The following DMRT1 variants were observed in gnomAD, a reference collection of about 807,000 sequenced individuals.
DMRT1 encodes the protein doublesex and mab-3 related transcription factor 1, also known as doublesex- and mab-3-related transcription factor 1.
Under a neutral mutation model 32.3 loss-of-function variants are expected in DMRT1, and 7 were observed. The ratio of observed to expected loss-of-function variants is 0.22; its 90% CI spans 0.12 to 0.41. The LOEUF (loss-of-function observed/expected upper bound fraction) is 0.41. Among genes scored for constraint, DMRT1 ranks in the 10% least tolerant of loss-of-function variants. The probability of loss-of-function intolerance (pLI) is 1.00; values close to 1 mark genes in which losing one functional copy is unlikely to be tolerated. For synonymous variants in DMRT1, 278 were observed against 206.1 expected (o/e 1.35, Z -2.99); for missense variants, 625 against 500.5 (o/e 1.25, Z -2.37).
intron 4 of DMRT1, among the ~76,000 whole-genome samples, chr9:959,595 C>T: frequency 6.6e-6 from 1 of 152,308 alleles, no homozygotes; most frequent in South Asian, 2.1e-4. Flanking sequence ...GTGGCACTAT[C>T]TTGGCTCACT....
At position 902,100 on chromosome 9, in the gene DMRT1, G is replaced by C. The variant is rs188006078; in HGVS notation, c.822+7905G>C. Among the ~76,000 whole-genome samples, 276 of 151,326 alleles carry C rather than the reference G, an allele frequency of 1.8e-3. 2 individuals are homozygous for C. Among genetic ancestry groups the C allele is most frequent in the African/African-American group, 6.0e-3 (247 of 41,250 alleles). On this transcript the variant is annotated intron_variant, in intron 3 of 4. Transcript: ENST00000382276. ...AATTTTTGTATTTTTAGTCGAGATG[G>C]GGTTTTGCCATGTTGGCCAGGCTGG... is the stretch of plus-strand genomic sequence containing the variant.
At chr9:872,070 C>G in intron 2 of DMRT1, among the ~76,000 whole-genome samples, 1 of 150,382 alleles carries the variant, frequency 6.6e-6, no homozygotes, top group African/African-American at 2.5e-5. Flanking sequence ...AACTCACCAT[C>G]TTTTTTTTTG....
rs1267683067 is a variant in DMRT1 at position 916,634 on chromosome 9, G to C, written c.823-129G>C. ...CGATCCTCCCGCCCTGGCCTCCCAA[G>C]GTGTCGGGAACATAGGCATGAGCCA... On this transcript the variant is annotated intron_variant, in intron 3 of 4. Coordinates refer to ENST00000382276, the MANE Select transcript of DMRT1 (RefSeq NM_021951.3). The C allele has an allele frequency of 2.6e-6, 3 of 1,132,596 alleles. No individual in the cohort carries two copies. The Admixed American group carries it at 5.4e-5, about 20-fold the overall frequency. The allele number at this position is 1,132,596 out of a possible 1,614,324, so 70.2% of individuals were successfully genotyped here. A position where few individuals can be genotyped will look rare whatever the true frequency, so the allele number is the denominator to read the frequency against.
rs375063589 is a variant in DMRT1 at position 941,577 on chromosome 9, A to G, written c.967+24670A>G. On this transcript the variant is annotated intron_variant, in intron 4 of 4. Coordinates refer to ENST00000382276, the MANE Select transcript of DMRT1 (RefSeq NM_021951.3). ...TTATCGTTTTTTTGGGTATAGAGTT[A>G]CAGTTTGAGAACATAAAAAGTTCTG... Among the ~76,000 whole-genome samples the G allele has an allele frequency of 1.5e-3, 234 of 152,254 alleles. 2 individuals are homozygous for G. The highest frequency in any genetic ancestry group is 5.6e-3 in the African/African-American group (232 of 41,564).
intron 2 of DMRT1, among the ~76,000 whole-genome samples, chr9:873,589 G>A (rs1816369411): frequency 6.6e-6 from 1 of 152,104 alleles, no homozygotes; most frequent in African/African-American, 2.4e-5. Context: ...AAAATGTTGG[G>A]ATTACAGGCG....
chr9:964,328 G>A (rs1435538327), intron 4 of DMRT1, among the ~76,000 whole-genome samples: 2 of 151,840 alleles, frequency 1.3e-5, no homozygotes, highest in African/African-American at 2.4e-5. Flanking sequence ...CCTGTGTAAG[G>A]TTTTCTGTTT....
At chr9:915,710 A>G (rs1818153497) in intron 3 of DMRT1, among the ~76,000 whole-genome samples, 1 of 151,922 alleles carries the variant, frequency 6.6e-6, no homozygotes, top group African/African-American at 2.4e-5. Context: ...GTTGTTTTAC[A>G]GTATTTATTT....
intron 2 of DMRT1, among the ~76,000 whole-genome samples, chr9:854,434 C>T (rs1454504808): frequency 1.3e-5 from 2 of 152,072 alleles, no homozygotes; most frequent in Non-Finnish European, 2.9e-5. Context: ...CAGGCGCATG[C>T]AACCATGCCT....
chr9:916,420 G>A (rs1464092921), intron 3 of DMRT1, among the ~76,000 whole-genome samples: 2 of 151,968 alleles, frequency 1.3e-5, no homozygotes, highest in African/African-American at 4.8e-5. Context: ...AGGCTGGAGT[G>A]CAGTAGTGCA....
At chr9:853,782 G>A (rs1203054751) in intron 2 of DMRT1, among the ~76,000 whole-genome samples, 1 of 150,698 alleles carries the variant, frequency 6.6e-6, no homozygotes, top group Non-Finnish European at 1.5e-5. Flanking sequence ...TGGGATTACA[G>A]GCATGAGCCA....
chr9:912,466 A>G (rs1818024048), intron 3 of DMRT1, among the ~76,000 whole-genome samples: 1 of 152,228 alleles, frequency 6.6e-6, no homozygotes, highest in Non-Finnish European at 1.5e-5. Flanking sequence ...ATAAATAACT[A>G]AATTCCTATT....
intron 2 of DMRT1, among the ~76,000 whole-genome samples, chr9:857,800 T>C (rs1204160570): frequency 4.5e-5 from 5 of 110,302 alleles, no homozygotes; most frequent in Non-Finnish European, 6.8e-5. Flanking sequence ...CAACAGGCCC[T>C]GGTGTGTGAT....
At chr9:905,796 G>C (rs140306670) in intron 3 of DMRT1, among the ~76,000 whole-genome samples, 1 of 152,010 alleles carries the variant, frequency 6.6e-6, no homozygotes, top group African/African-American at 2.4e-5. Flanking sequence ...GCCTCCTTTT[G>C]TGGATGAGGA....
intron 1 of DMRT1, 38 bp downstream of exon 1, chr9:842,230 G>GTTT (rs780064237): frequency 0.018 from 21,981 of 1,238,318 alleles, 120 homozygotes; most frequent in African/African-American, 0.055. Context: ...TTCAGCCTTA[G>GTTT]TTTTTTTTTT....
chr9:921,988 C>T (rs1183254028), intron 4 of DMRT1, among the ~76,000 whole-genome samples: 1 of 152,162 alleles, frequency 6.6e-6, no homozygotes, highest in Non-Finnish European at 1.5e-5. Flanking sequence ...TCAGGTAATC[C>T]TCCCACCTCA....
At chr9:963,966 G>C (rs1406391758) in intron 4 of DMRT1, among the ~76,000 whole-genome samples, 2 of 152,132 alleles carry the variant, frequency 1.3e-5, no homozygotes, top group Non-Finnish European at 2.9e-5. Flanking sequence ...ATGAAGAGTT[G>C]GTAACAACTG....
chr9:930,609 CAT>C lies in DMRT1; in HGVS notation c.967+13703_967+13704del, dbSNP rs1564258986. 9.2e-5 allele frequency among the ~76,000 whole-genome samples: 14 copies of C among 152,076 alleles called. No homozygotes were observed. In the East Asian group the frequency reaches 2.3e-3, roughly 25 times the overall value. Reference sequence around the variant, plus strand: ...ATTTTTAGTAGAGACAGGGTTTCACCATGTTAGCCAGGATGGTCTCGATCTCC... The same window carrying C: ...ATTTTTAGTAGAGACAGGGTTTCACCGTTAGCCAGGATGGTCTCGATCTCC... On this transcript the variant is annotated intron_variant, in intron 4 of 4. Transcript: ENST00000382276.
chr9:862,077 G>A (rs1228457839), intron 2 of DMRT1, among the ~76,000 whole-genome samples: 2 of 148,606 alleles, frequency 1.3e-5, no homozygotes, highest in Non-Finnish European at 3.0e-5. Flanking sequence ...AGGCAGAGAC[G>A]CTCCTCACTT....
intron 2 of DMRT1, among the ~76,000 whole-genome samples, chr9:857,836 C>T (rs1403429444): frequency 1.5e-5 from 2 of 135,894 alleles, no homozygotes; most frequent in Admixed American, 8.5e-5. Flanking sequence ...TCCATGTGTT[C>T]TCATTGTTCG....
Sources: gnomAD v4.1 joint callset for allele counts (sites outside exome capture counted in the v4.1 genomes callset) on GRCh38, gnomAD v4.1.1 for gene constraint, MANE v1.5 for transcripts, NCBI Gene and HGNC (gene_info 2026-07-23, HGNC 2026-07-21) for gene names.